The following SMARCA4 variants were observed in gnomAD, a reference collection of about 807,000 sequenced individuals.
SMARCA4 encodes SWI/SNF-related matrix-associated actin-dependent regulator of chromatin subfamily A member 4.
A neutral mutation model predicts 193.9 loss-of-function variants in SMARCA4; 31 were observed. That is an observed-to-expected ratio of 0.16 (90% CI 0.12 to 0.22). The LOEUF (loss-of-function observed/expected upper bound fraction) is 0.22, where lower values mean the gene tolerates loss of function less well. Among genes scored for constraint, SMARCA4 ranks in the 10% least tolerant of loss-of-function variants. The pLI is 1.00. For missense variants in SMARCA4, 1,148 were observed against 2,296.0 expected, an observed-to-expected ratio of 0.50 and a Z score of 10.22; for synonymous variants, 942 against 933.1, an observed-to-expected ratio of 1.01 and a Z score of -0.17.
At chr19:10,998,166 G>A (rs1015816553) in intron 11 of SMARCA4, among the ~76,000 whole-genome samples, 2 of 152,022 alleles carry the variant, frequency 1.3e-5, no homozygotes, top group Non-Finnish European at 2.9e-5. Flanking sequence ...GATTATAGGC[G>A]TGAGCCACCA....
intron 11 of SMARCA4, among the ~76,000 whole-genome samples, 156 bp downstream of exon 11, chr19:10,996,700 C>A (rs995634432): frequency 4.6e-5 from 7 of 152,162 alleles, no homozygotes; most frequent in African/African-American, 1.7e-4. Flanking sequence ...CCCACCCGAC[C>A]CCACATCCCA....
chr19:11,034,297 C>G lies in SMARCA4; in HGVS notation c.3951+97C>G. ...CTAGTGCCCATGGTGGTATCCCTAG[C>G]AGGTCAGGGAGCCAGGGACAGCTCA... On this transcript the variant is annotated intron_variant, in intron 28 of 34. Transcript: ENST00000344626. The surrounding 1 kb of genome is among the most constrained non-coding windows in gnomAD (Gnocchi z 7.0). 1 of 978,726 alleles carries G rather than the reference C, an allele frequency of 1.0e-6. No homozygotes were observed. Among genetic ancestry groups the G allele is most frequent in the Non-Finnish European group, 1.6e-6 (1 of 613,936 alleles). The allele number at this position is 978,726 out of a possible 1,614,324, so 60.6% of individuals were successfully genotyped here.
chr19:11,019,420 G>C lies in SMARCA4; in HGVS notation c.2506-171G>C. On this transcript the variant is annotated intron_variant, in intron 17 of 34. Transcript: ENST00000344626. The surrounding 1 kb of genome is among the most constrained non-coding windows in gnomAD (Gnocchi z 6.1). ...TCCCCCTGCAGCGCGTGTTCTGCGT[G>C]GTGAGGTCTGGGGACGCGCCAGCGG... 1.6e-6 allele frequency: 1 copy of C among 638,474 alleles called. No homozygotes were observed. The highest frequency in any genetic ancestry group is 2.8e-6 in the Non-Finnish European group (1 of 352,858). The allele number at this position is 638,474 out of a possible 1,614,324, so 39.6% of individuals were successfully genotyped here. A position where few individuals can be genotyped will look rare whatever the true frequency, so the allele number is the denominator to read the frequency against.
At position 11,034,763 on chromosome 19, in the gene SMARCA4, A is replaced by G; in HGVS notation, c.3952-151A>G. ...CTGACGGAGCCAGGCCAGGTCAGCC[A>G]CTGAAAAATCGAGAGCTACTGTTTA... On this transcript the variant is annotated intron_variant, in intron 28 of 34. Coordinates refer to ENST00000344626, the MANE Select transcript of SMARCA4 (RefSeq NM_003072.5). This position sits in a 1 kb window ranked among gnomAD's most constrained non-coding sequence, Gnocchi z 7.0. 1.5e-6 allele frequency: 1 copy of G among 689,420 alleles called. No individual in the cohort carries two copies. Among genetic ancestry groups the G allele is most frequent in the South Asian group, 1.5e-5 (1 of 65,430 alleles). The allele number at this position is 689,420 out of a possible 1,614,324, so 42.7% of individuals were successfully genotyped here.
chr19:11,039,289 GT>G (rs1040893736), intron 29 of SMARCA4, among the ~76,000 whole-genome samples: 1 of 152,192 alleles, frequency 6.6e-6, no homozygotes, highest in African/African-American at 2.4e-5. Flanking sequence ...AGGAGTTGGA[GT>G]TTGTAGTGAG....
rs1379105420 is a variant in SMARCA4 at position 11,019,727 on chromosome 19, A to G, written c.2616+26A>G. The G allele has an allele frequency of 6.5e-7, 1 of 1,530,152 alleles. No individual in the cohort carries two copies. The highest frequency in any genetic ancestry group is 1.1e-5 in the South Asian group (1 of 88,670). The allele number at this position is 1,530,152 out of a possible 1,614,324, so 94.8% of individuals were successfully genotyped here. A position where few individuals can be genotyped will look rare whatever the true frequency, so the allele number is the denominator to read the frequency against. ...GTAACGTGTCCCTGTGGGAAATGCCAGGCCATGGGCCGAGTGCTCACACGT... is the reference window on the plus strand; with the variant it reads ...GTAACGTGTCCCTGTGGGAAATGCCGGGCCATGGGCCGAGTGCTCACACGT... On this transcript the variant is annotated intron_variant, in intron 18 of 34. Coordinates refer to ENST00000344626, the MANE Select transcript of SMARCA4 (RefSeq NM_003072.5). This position sits in a 1 kb window ranked among gnomAD's most constrained non-coding sequence, Gnocchi z 6.1.
At chr19:11,053,175 C>T (rs145250534) in intron 30 of SMARCA4, among the ~76,000 whole-genome samples, 2 of 152,052 alleles carry the variant, frequency 1.3e-5, no homozygotes, top group South Asian at 4.1e-4. Context: ...CCGAGGCGGG[C>T]GGATCACCTG....
chr19:10,965,970 G>GTTTTTTTTTTTTTTT (rs372236923), intron 1 of SMARCA4, among the ~76,000 whole-genome samples: 3 of 78,934 alleles, frequency 3.8e-5, no homozygotes, highest in African/African-American at 1.4e-4. Flanking sequence ...TAGTGGCATG[G>GTTTTTTTTTTTTTTT]TTTTTTTTTT....
rs1248149173 is a variant in SMARCA4 at position 11,034,041 on chromosome 19, G to A, written c.3874-82G>A. The A allele has an allele frequency of 1.8e-5, 19 of 1,071,644 alleles. No homozygotes were observed. Among genetic ancestry groups the A allele is most frequent in the Non-Finnish European group, 2.2e-5 (15 of 688,800 alleles). The allele number at this position is 1,071,644 out of a possible 1,614,324, so 66.4% of individuals were successfully genotyped here. ...GCCGGGACCACCAGCTCATTCCCAC[G>A]GACGCCGCCGCTCGCCTCTGAGCTC... On this transcript the variant is annotated intron_variant, in intron 27 of 34. Transcript: ENST00000344626. This position sits in a 1 kb window ranked among gnomAD's most constrained non-coding sequence, Gnocchi z 7.0.
rs28997581 is a variant in SMARCA4, at chr19:11,033,412, C to T, written c.3669C>T (p.Asn1223=). 227 of 1,613,364 alleles carry T rather than the reference C, an allele frequency of 1.4e-4. No homozygotes were observed. Among genetic ancestry groups the T allele is most frequent in the Non-Finnish European group, 1.8e-4 (213 of 1,180,028 alleles). Residue 1223 remains asparagine (N), a synonymous_variant, in exon 26 of 35, where the codon AAC becomes AAT. Coordinates refer to ENST00000344626, the MANE Select transcript of SMARCA4 (RefSeq NM_003072.5). The surrounding 1 kb of genome is among the most constrained non-coding windows in gnomAD (Gnocchi z 9.8). ...TAGCTGCAGCCAAGTACAAGCTCAA[C>T]GTGGACCAGAAGGTGATCCAGGCCG... ...KILAAAKYKL[N]VDQKVIQAGM...
intron 11 of SMARCA4, among the ~76,000 whole-genome samples, chr19:10,999,712 C>T (rs2087444236): frequency 6.6e-6 from 1 of 152,132 alleles, no homozygotes; most frequent in African/African-American, 2.4e-5. Context: ...AATCCAACAG[C>T]ACAGGGTTAA....
intron 7 of SMARCA4, 26 bp from the exon 8 acceptor site, chr19:10,991,124 C>T (rs202077585): frequency 1.2e-4 from 197 of 1,612,532 alleles, no homozygotes; most frequent in Non-Finnish European, 1.5e-4. Context: ...GTGCAGTGCG[C>T]GGGCTTGTCC....
intron 15 of SMARCA4, chr19:11,012,580 C>G (rs535231752): frequency 1.5e-5 from 5 of 327,536 alleles, no homozygotes; most frequent in South Asian, 1.5e-4. Context: ...CGCCCTGAAG[C>G]CCTCTTGGTT....
chr19:11,003,220 C>T (rs1366044689), intron 12 of SMARCA4, 61 bp downstream of exon 12: 2 of 1,612,202 alleles, frequency 1.2e-6, no homozygotes, highest in African/African-American at 1.3e-5. Flanking sequence ...GGCCTTGTTC[C>T]AGGGAGGTGG....
chr19:11,027,368 C>T (rs1218376375), intron 23 of SMARCA4, among the ~76,000 whole-genome samples: 1 of 152,128 alleles, frequency 6.6e-6, no homozygotes, highest in East Asian at 1.9e-4. Context: ...CGAGGTGGCC[C>T]TTCCTTCTGG....
At chr19:11,056,894 C>T (rs1303606574) in intron 30 of SMARCA4, among the ~76,000 whole-genome samples, 1 of 152,222 alleles carries the variant, frequency 6.6e-6, no homozygotes, top group Non-Finnish European at 1.5e-5. Context: ...TTGTCGCTGC[C>T]ATTTTCCAGC....
intron 30 of SMARCA4, among the ~76,000 whole-genome samples, chr19:11,044,128 C>T (rs1568532940): frequency 6.6e-6 from 1 of 152,136 alleles, no homozygotes; most frequent in Non-Finnish European, 1.5e-5. Flanking sequence ...GGGGAAAGCA[C>T]GGGTGTCTCC....
chr19:11,061,646 G>T, intron 34 of SMARCA4, 138 bp from the exon 35 acceptor site: 1 of 836,692 alleles, frequency 1.2e-6, no homozygotes, highest in South Asian at 1.3e-5. Context: ...AAAGTGCTGG[G>T]ATTACGGGCG....
rs2145753844 is a variant in SMARCA4, at chr19:10,985,422, C to T, written c.355+17C>T. 1 of 1,613,166 alleles carries T rather than the reference C, an allele frequency of 6.2e-7. No individual in the cohort carries two copies. Among genetic ancestry groups the T allele is most frequent in the Non-Finnish European group, 8.5e-7 (1 of 1,179,802 alleles). ...ACTCCCAAGGTACAGAACTGCGTTC[C>T]TTCCTGCCTTGTGTTTGTCATACTC... On this transcript the variant is annotated intron_variant, in intron 3 of 34. Coordinates refer to ENST00000344626, the MANE Select transcript of SMARCA4 (RefSeq NM_003072.5). This position sits in a 1 kb window ranked among gnomAD's most constrained non-coding sequence, Gnocchi z 4.5.
Sources: allele counts gnomAD v4.1 joint callset (sites outside exome capture counted in the v4.1 genomes callset), GRCh38; gene constraint gnomAD v4.1.1; non-coding constraint Gnocchi (gnomAD v3.1); transcripts MANE v1.5; gene names NCBI Gene and HGNC (gene_info 2026-07-23, HGNC 2026-07-21).